Variants in FNBP1 observed in about 807,000 individuals in gnomAD.
The protein encoded by FNBP1 is formin binding protein 1, also known as formin-binding protein 1.
Under a neutral mutation model 90.6 loss-of-function variants are expected in FNBP1, and 26 were observed. That is an observed-to-expected ratio of 0.29 (90% confidence interval 0.21 to 0.40). FNBP1 has a LOEUF of 0.40. Ranked by LOEUF, FNBP1 falls within the 10% of genes least tolerant of loss-of-function variation. The pLI is 1.00. For missense variants in FNBP1, 635 were observed against 768.0 expected, an observed-to-expected ratio of 0.83 and a Z score of 2.05; for synonymous variants, 260 against 265.2, an observed-to-expected ratio of 0.98 and a Z score of 0.19.
rs1299724116 is a variant in FNBP1, at chr9:130,042,258, C to A, written c.24+694G>T. ...TTAAAGATCATTGACCCCGCGAACG[C>A]CTCTTCCTGAGGTAGATCACGTAAG... On this transcript the variant is annotated intron_variant, in intron 1 of 16. Coordinates refer to ENST00000446176, the MANE Select transcript of FNBP1 (RefSeq NM_015033.3). The surrounding 1 kb of genome is among the most constrained non-coding windows in gnomAD (Gnocchi z 5.5). Among the ~76,000 whole-genome samples, 1 of 152,166 alleles carries A rather than the reference C, an allele frequency of 6.6e-6. No individual in the cohort carries two copies. The highest frequency in any genetic ancestry group is 1.5e-5 in the Non-Finnish European group (1 of 68,028).
intron 1 of FNBP1, among the ~76,000 whole-genome samples, chr9:130,012,685 G>A (rs1346767627): frequency 2.6e-5 from 4 of 152,092 alleles, no homozygotes; most frequent in Non-Finnish European, 4.4e-5. Flanking sequence ...TGTCGCCCAG[G>A]CTGGAGTGCA....
intron 1 of FNBP1, among the ~76,000 whole-genome samples, chr9:130,020,251 A>G (rs2057687188): frequency 6.6e-6 from 1 of 152,304 alleles, no homozygotes; most frequent in Non-Finnish European, 1.5e-5. Flanking sequence ...TTTGTAGCCC[A>G]GGCTGGAGTG....
At chr9:130,006,661 C>T (rs955430942) in intron 1 of FNBP1, among the ~76,000 whole-genome samples, 2 of 151,712 alleles carry the variant, frequency 1.3e-5, no homozygotes, top group African/African-American at 4.8e-5. Context: ...CAGAGGAAGA[C>T]TTCGTCTCAA....
intron 4 of FNBP1, chr9:129,978,256 T>G (rs996878080): frequency 6.6e-6 from 3 of 455,336 alleles, no homozygotes; most frequent in Non-Finnish European, 7.9e-6. Context: ...CCTCACTTTG[T>G]GATCCGCCTG....
At chr9:130,007,836 C>CA (rs1488696849) in intron 1 of FNBP1, among the ~76,000 whole-genome samples, 1 of 151,750 alleles carries the variant, frequency 6.6e-6, no homozygotes, top group African/African-American at 2.4e-5. Flanking sequence ...GCCAAAATGG[C>CA]AAAACCCCGT....
At position 129,966,732 on chromosome 9, in the gene FNBP1, A is replaced by AAAC. The variant is rs550427768; in HGVS notation, c.346-8182_346-8180dup. The stretch of plus-strand genomic sequence containing the variant: ...TGGGTGATGGAGCGAGACTCCGTCT[A>AAAC]AACAACAACAACAACAACAACAACA... On this transcript the variant is annotated intron_variant, in intron 4 of 16. Coordinates refer to ENST00000446176, the MANE Select transcript of FNBP1 (RefSeq NM_015033.3). This position sits in a 1 kb window ranked among gnomAD's most constrained non-coding sequence, Gnocchi z 4.3. Among the ~76,000 whole-genome samples, 4,689 of 151,226 alleles carry AAAC rather than the reference A, an allele frequency of 0.031. 88 individuals are homozygous for AAAC. The highest frequency in any genetic ancestry group is 0.056 in the East Asian group (289 of 5,132).
intron 10 of FNBP1, among the ~76,000 whole-genome samples, chr9:129,920,722 G>A (rs866593741): frequency 7.2e-5 from 11 of 152,128 alleles, no homozygotes; most frequent in African/African-American, 2.7e-4. Flanking sequence ...AACAGACTGT[G>A]TAATGTTAAG....
chr9:130,007,833 T>C (rs1564561250), intron 1 of FNBP1, among the ~76,000 whole-genome samples: 1 of 151,968 alleles, frequency 6.6e-6, no homozygotes, highest in South Asian at 2.1e-4. Context: ...CTGGCCAAAA[T>C]GGCAAAACCC....
At chr9:130,044,969 T>C (rs960531970), upstream of FNBP1, 1 of 151,718 alleles carries the variant, frequency 6.6e-6, no homozygotes, top group African/African-American at 2.4e-5. Context: ...AATAATAAAT[T>C]AAGAGGTGGA....
intron 4 of FNBP1, among the ~76,000 whole-genome samples, chr9:129,970,694 C>T (rs2133234495): frequency 6.6e-6 from 1 of 152,286 alleles, no homozygotes; most frequent in African/African-American, 2.4e-5. Context: ...GAACATCTCA[C>T]TGAAAATGCA....
intron 6 of FNBP1, chr9:129,936,247 C>G (rs1459313658): frequency 1.3e-5 from 2 of 152,150 alleles, no homozygotes; most frequent in Non-Finnish European, 2.9e-5. Context: ...GTCGTTATCA[C>G]AAGAAGAGAC....
At chr9:129,948,008 G>A (rs1054413645) in intron 6 of FNBP1, among the ~76,000 whole-genome samples, 2 of 151,718 alleles carry the variant, frequency 1.3e-5, no homozygotes, top group African/African-American at 2.4e-5. Flanking sequence ...AAAGGAGGGG[G>A]GCAGGTGTGG....
chr9:129,965,696 A>G lies in FNBP1; in HGVS notation c.346-7143T>C, dbSNP rs866876345. On this transcript the variant is annotated intron_variant, in intron 4 of 16. Transcript: ENST00000446176. ...CATCTCTCTTAAAACACACACACAC[A>G]CGCGCGCGCGCGCACACACACACAC... Among the ~76,000 whole-genome samples the G allele has an allele frequency of 8.1e-3, 771 of 95,036 alleles. 6 individuals carry two copies. The highest frequency in any genetic ancestry group is 0.021 in the East Asian group (56 of 2,632). 62.3% of individuals were successfully genotyped at this position (95,036 alleles called of 152,430 possible).
intron 11 of FNBP1, among the ~76,000 whole-genome samples, chr9:129,915,490 A>G (rs1334976875): frequency 6.6e-6 from 1 of 151,998 alleles, no homozygotes; most frequent in African/African-American, 2.4e-5. Context: ...CAGCCTCCCA[A>G]GTAGCTGGGA....
intron 16 of FNBP1, among the ~76,000 whole-genome samples, chr9:129,893,848 A>G (rs186733526): frequency 2.7e-4 from 40 of 149,340 alleles, no homozygotes; most frequent in East Asian, 2.6e-3. Context: ...CTCAGGAGGC[A>G]GAGGTTGCAG....
At chr9:129,980,547 T>C (rs2051037596) in intron 2 of FNBP1, among the ~76,000 whole-genome samples, 1 of 152,024 alleles carries the variant, frequency 6.6e-6, no homozygotes, top group South Asian at 2.1e-4. Context: ...AGGTTTGCAT[T>C]GAACACATTC....
At chr9:129,926,564 G>A (rs76540153) in intron 8 of FNBP1, among the ~76,000 whole-genome samples, 12,801 of 152,076 alleles carry the variant, frequency 0.084, 591 homozygotes, top group East Asian at 0.1. Flanking sequence ...AAAATGATCT[G>A]GCCTGAGATA....
At chr9:129,907,583 GT>G (rs1564289632) in intron 12 of FNBP1, among the ~76,000 whole-genome samples, 445 of 3,270 alleles carry the variant, frequency 0.14, 2 homozygotes, top group Admixed American at 0.28. Flanking sequence ...GAGTGAGGGT[GT>G]GTGTGTGTGT....
At chr9:129,939,797 C>CA (rs2044061952) in intron 6 of FNBP1, among the ~76,000 whole-genome samples, 1 of 151,880 alleles carries the variant, frequency 6.6e-6, no homozygotes, top group Non-Finnish European at 1.5e-5. Context: ...TACGCTCATA[C>CA]AAAAAAGGTA....
Sources: gnomAD v4.1 joint callset for allele counts (sites outside exome capture counted in the v4.1 genomes callset) on GRCh38, gnomAD v4.1.1 for gene constraint, Gnocchi (gnomAD v3.1) non-coding constraint, MANE v1.5 for transcripts, NCBI Gene and HGNC (gene_info 2026-07-23, HGNC 2026-07-21) for gene names.